The following ZNRF2 variants were observed in gnomAD, a reference collection of about 807,000 sequenced individuals.
ZNRF2 encodes zinc and ring finger 2.
ZNRF2 carries 16 observed loss-of-function variants against 20.4 expected under a neutral mutation model. The ratio of observed to expected loss-of-function variants is 0.79; its 90% CI spans 0.53 to 1.19. ZNRF2 has a LOEUF of 1.19. Among genes scored for constraint, ZNRF2 ranks in the 50% most tolerant of loss-of-function variants. ZNRF2 has a pLI of 0.00. For missense variants in ZNRF2, 363 were observed against 332.4 expected (o/e 1.09, Z -0.72); for synonymous variants, 178 against 144.9 (o/e 1.23, Z -1.64).
chr7:30,312,913 A>AT (rs1443240225), intron 1 of ZNRF2, among the ~76,000 whole-genome samples: 8 of 152,356 alleles, frequency 5.3e-5, no homozygotes, highest in African/African-American at 1.9e-4. Flanking sequence ...AATTTAGTAA[A>AT]TAGCTTTGGG....
intron 1 of ZNRF2, among the ~76,000 whole-genome samples, chr7:30,309,277 T>C (rs1051027811): frequency 8.5e-5 from 13 of 152,202 alleles, no homozygotes; most frequent in African/African-American, 3.1e-4. Flanking sequence ...TTATACTGAA[T>C]ATTTTCTGTT....
chr7:30,327,292 C>T (rs1799567570), intron 2 of ZNRF2, among the ~76,000 whole-genome samples: 2 of 152,114 alleles, frequency 1.3e-5, no homozygotes, highest in Admixed American at 1.3e-4. Context: ...TTTAATTCAT[C>T]TGGACTTAAT....
intron 1 of ZNRF2, among the ~76,000 whole-genome samples, chr7:30,295,014 G>GGAGA (rs1161510140): frequency 0.029 from 736 of 24,998 alleles, 64 homozygotes; most frequent in South Asian, 0.069. Context: ...AGGGAGGGAA[G>GGAGA]GAGAGAGAGA....
intron 2 of ZNRF2, among the ~76,000 whole-genome samples, chr7:30,344,083 A>G (rs1314210041): frequency 6.6e-6 from 1 of 151,076 alleles, no homozygotes; most frequent in Non-Finnish European, 1.5e-5. Flanking sequence ...TCATACACCC[A>G]GCTAATTTTT....
chr7:30,357,771 A>G (rs1006834666), intron 3 of ZNRF2, among the ~76,000 whole-genome samples: 1 of 152,180 alleles, frequency 6.6e-6, no homozygotes, highest in Admixed American at 6.5e-5. Flanking sequence ...CCAGATATCC[A>G]AAGAACACCA....
chr7:30,355,952 T>C (rs1800029871), intron 3 of ZNRF2, 119 bp downstream of exon 3: 2 of 616,740 alleles, frequency 3.2e-6, no homozygotes, highest in Non-Finnish European at 5.6e-6. Context: ...CACACACTTC[T>C]TAAAACTTAA....
Position 30,285,471 on chromosome 7 carries a change from CG to C in ZNRF2, c.119del (p.Gly40AlafsTer103), listed in dbSNP as rs1184632403. Reference protein sequence around the residue: ...GGANGTAGGGGGARAAAAGRF... With the variant: ...GGANGTAGGGXGARAAAAGRF... ...GCGCCAATGGGACCGCGGGCGGCGG[CG>C]GGGGCGCTCGGGCCGCCGCCGCGGG... is the stretch of plus-strand genomic sequence containing the variant. On this transcript the variant is annotated frameshift_variant, in exon 1 of 5. Transcript: ENST00000323037. LOFTEE classifies it high-confidence loss of function. 5.4e-6 allele frequency: 6 copies of C among 1,107,442 alleles called. No individual in the cohort carries two copies. The highest frequency in any genetic ancestry group is 2.5e-5 in the South Asian group (1 of 40,012). 68.6% of individuals were successfully genotyped at this position (1,107,442 alleles called of 1,614,324 possible). A position where few individuals can be genotyped will look rare whatever the true frequency, so the allele number is the denominator to read the frequency against.
Position 30,366,021 on chromosome 7 carries a change from C to A in ZNRF2, c.*23-14C>A, listed in dbSNP as rs773248907. The A allele has an allele frequency of 6.6e-6, 1 of 152,190 alleles. No individual in the cohort carries two copies. The highest frequency in any genetic ancestry group is 2.1e-4 in the South Asian group (1 of 4,832). The allele number at this position is 152,190 out of a possible 1,614,324, so 9.4% of individuals were successfully genotyped here. On this transcript the variant is annotated splice_polypyrimidine_tract_variant and intron_variant, in intron 4 of 4. Transcript: ENST00000323037. ...ACTAAAGCAATGTTCATGGGGAAAT[C>A]TATTTTTACACAGGTTTTCTTGTCT... is the stretch of plus-strand genomic sequence containing the variant.
chr7:30,355,046 A>G (rs906373155), intron 2 of ZNRF2, among the ~76,000 whole-genome samples: 1 of 152,088 alleles, frequency 6.6e-6, no homozygotes, highest in African/African-American at 2.4e-5. Flanking sequence ...CACACCATAG[A>G]GTTTTTTGTT....
chr7:30,301,969 C>T (rs569751497), intron 1 of ZNRF2, among the ~76,000 whole-genome samples: 7 of 152,182 alleles, frequency 4.6e-5, no homozygotes, highest in South Asian at 2.1e-4. Flanking sequence ...CAGTTCTGTC[C>T]GCTTCACTCC....
intron 1 of ZNRF2, chr7:30,288,868 A>G (rs1798844865): frequency 6.6e-6 from 1 of 152,062 alleles, no homozygotes. Flanking sequence ...AAAAATGTTG[A>G]TGGTATTTTA....
chr7:30,285,519 C>T lies in ZNRF2; in HGVS notation c.162C>T (p.Pro54=). Residue 54 remains proline, a synonymous_variant, in exon 1 of 5, where the codon CCC becomes CCT. Coordinates refer to ENST00000323037, the MANE Select transcript of ZNRF2 (RefSeq NM_147128.4). Reference sequence around the variant, plus strand: ...CGGGGAGGTTCCCGGCTCAGGTGCCCAGCGCGCACCAGCCCAGCGCCTCCG... The same window carrying T: ...CGGGGAGGTTCCCGGCTCAGGTGCCTAGCGCGCACCAGCCCAGCGCCTCCG... The part of the protein sequence containing the change: ...AAAGRFPAQV[P]SAHQPSASGG... The T allele has an allele frequency of 9.8e-7, 1 of 1,015,346 alleles. No homozygotes were observed. The allele number at this position is 1,015,346 out of a possible 1,614,324, so 62.9% of individuals were successfully genotyped here. A position where few individuals can be genotyped will look rare whatever the true frequency, so the allele number is the denominator to read the frequency against.
At position 30,323,733 on chromosome 7, in the gene ZNRF2, T is replaced by C; in HGVS notation, c.561T>C (p.Tyr187=). Residue 187 remains tyrosine (Y), a synonymous_variant, in exon 2 of 5, where the codon TAT becomes TAC. Transcript: ENST00000323037. The stretch of plus-strand genomic sequence containing the variant: ...GTTTAACAAAGCCACGAATAACCTA[T>C]AATGGTAAGTCCAATGGTTTAAAAT... ...VMCLTKPRIT[Y]NEDVLSKDAG... The C allele has an allele frequency of 6.4e-7, 1 of 1,562,412 alleles. No homozygotes were observed. The highest frequency in any genetic ancestry group is 8.7e-7 in the Non-Finnish European group (1 of 1,149,588).
chr7:30,292,416 C>T (rs1798928274), intron 1 of ZNRF2, among the ~76,000 whole-genome samples: 1 of 151,964 alleles, frequency 6.6e-6, no homozygotes, highest in Non-Finnish European at 1.5e-5. Context: ...CGCGCTTTTC[C>T]GGACACTATT....
intron 1 of ZNRF2, among the ~76,000 whole-genome samples, chr7:30,290,794 C>A (rs1424360421): frequency 1.3e-5 from 2 of 152,252 alleles, no homozygotes; most frequent in East Asian, 1.9e-4. Context: ...TTTTTAAACT[C>A]ATTTTAATTT....
chr7:30,306,397 G>A (rs903248469), intron 1 of ZNRF2, among the ~76,000 whole-genome samples: 2 of 152,074 alleles, frequency 1.3e-5, no homozygotes, highest in African/African-American at 4.8e-5. Flanking sequence ...AGTAAGTAAA[G>A]CATTACATAA....
chr7:30,366,834 T>C lies in ZNRF2; in HGVS notation c.*822T>C, dbSNP rs1326780520. The C allele has an allele frequency of 6.6e-6, 1 of 152,398 alleles. No homozygotes were observed. Among genetic ancestry groups the C allele is most frequent in the Non-Finnish European group, 1.5e-5 (1 of 67,910 alleles). The allele number at this position is 152,398 out of a possible 1,614,324, so 9.4% of individuals were successfully genotyped here. On this transcript the variant is annotated 3_prime_UTR_variant, in exon 5 of 5. Coordinates refer to ENST00000323037, the MANE Select transcript of ZNRF2 (RefSeq NM_147128.4). ...TGAATCATCTTGCAGCTATGCAATT[T>C]AAAAAAAATACAGATTACCAATTTC...
rs10255875 is a variant in ZNRF2, at chr7:30,335,432, A to G, written c.565+11695A>G. On this transcript the variant is annotated intron_variant, in intron 2 of 4. Coordinates refer to ENST00000323037, the MANE Select transcript of ZNRF2 (RefSeq NM_147128.4). ...TAAGATGTGGTATTGGTGAAATCTG[A>G]TTTTAAAGGAATAAAATACTTTCTC... is the stretch of plus-strand genomic sequence containing the variant. Among the ~76,000 whole-genome samples the G allele has an allele frequency of 4.8e-3, 734 of 152,242 alleles. 5 individuals carry two copies. The highest frequency in any genetic ancestry group is 0.017 in the African/African-American group (691 of 41,556).
chr7:30,321,707 C>T (rs1473671799), intron 1 of ZNRF2, among the ~76,000 whole-genome samples: 2 of 152,194 alleles, frequency 1.3e-5, no homozygotes, highest in African/African-American at 2.4e-5. Context: ...CTCTTGCCCT[C>T]GTTTATGCTA....
Sources: allele counts gnomAD v4.1 joint callset (sites outside exome capture counted in the v4.1 genomes callset), GRCh38; gene constraint gnomAD v4.1.1; transcripts MANE v1.5; gene names NCBI Gene and HGNC (gene_info 2026-07-23, HGNC 2026-07-21).